The following KIAA2012 variants were observed in gnomAD, a reference collection of about 807,000 sequenced individuals.
The protein encoded by KIAA2012 is uncharacterized protein KIAA2012.
In KIAA2012, 125 loss-of-function variants were observed where a neutral mutation model predicts 150.6. That is an observed-to-expected ratio of 0.83 (90% CI 0.72 to 0.96). The LOEUF is 0.96. Ranked by LOEUF, KIAA2012 falls within the 40% of genes least tolerant of loss-of-function variation. The pLI, the probability that KIAA2012 is intolerant of heterozygous loss-of-function variation, is 0.00. For missense variants in KIAA2012, 1,219 were observed against 1,354.9 expected, an observed-to-expected ratio of 0.90 and a Z score of 1.57; for synonymous variants, 462 against 504.7, an observed-to-expected ratio of 0.92 and a Z score of 1.13.
chr2:202,133,130 A>ATATATATATATTT (rs1279080237), intron 12 of KIAA2012, among the ~76,000 whole-genome samples: 1 of 67,794 alleles, frequency 1.5e-5, no homozygotes, highest in Non-Finnish European at 2.9e-5. Flanking sequence ...ATATATATAT[A>ATATATATATATTT]TTTTTTTTTT....
chr2:202,081,752 G>A (rs1159625594), intron 2 of KIAA2012, among the ~76,000 whole-genome samples: 1 of 151,958 alleles, frequency 6.6e-6, no homozygotes, highest in African/African-American at 2.4e-5. Flanking sequence ...TCTCCATGTT[G>A]GTCAGGCTGG....
At chr2:202,195,901 T>C (rs1018840813) in intron 21 of KIAA2012, among the ~76,000 whole-genome samples, 12 of 152,240 alleles carry the variant, frequency 7.9e-5, no homozygotes, top group African/African-American at 2.7e-4. Context: ...TGTATATATA[T>C]ACCACATTTT....
At chr2:202,182,511 G>A (rs1277844692) in intron 15 of KIAA2012, among the ~76,000 whole-genome samples, 2 of 152,044 alleles carry the variant, frequency 1.3e-5, no homozygotes, top group Non-Finnish European at 2.9e-5. Flanking sequence ...CCCTTTTACT[G>A]CTGAGTTGTA....
At chr2:202,143,365 C>T (rs1052622762) in intron 13 of KIAA2012, among the ~76,000 whole-genome samples, 3 of 151,610 alleles carry the variant, frequency 2.0e-5, no homozygotes, top group Non-Finnish European at 4.4e-5. Flanking sequence ...GGATGACAGG[C>T]GTGAGCCACC....
chr2:202,102,925 T>C, intron 7 of KIAA2012, 21 bp from the exon 8 acceptor site: 2 of 1,547,946 alleles, frequency 1.3e-6, no homozygotes, highest in Non-Finnish European at 1.7e-6. Flanking sequence ...CATGATCGTT[T>C]TGTTTTTAAA....
chr2:202,188,171 A>C lies in KIAA2012; in HGVS notation c.2396A>C (p.Glu799Ala). 1 of 1,550,484 alleles carries C rather than the reference A, an allele frequency of 6.4e-7. No individual in the cohort carries two copies. Among genetic ancestry groups the C allele is most frequent in the Non-Finnish European group, 8.7e-7 (1 of 1,146,902 alleles). ...NISHERDLIN[E>A]AKRKEKPKKD... is the part of the protein sequence containing the mutation. ...CTTTAGGAGAGGGATTTGATTAACG[A>C]GGCCAAGAGAAAGGAAAAACCCAAG... Residue 799 changes from glutamate (E) to alanine (A), a missense_variant, in exon 18 of 24, where the codon GAG (glutamate) becomes GCG (alanine). Transcript: ENST00000498697.
At chr2:202,131,878 T>C (rs926171960) in intron 12 of KIAA2012, among the ~76,000 whole-genome samples, 1 of 151,960 alleles carries the variant, frequency 6.6e-6, no homozygotes, top group Non-Finnish European at 1.5e-5. Flanking sequence ...TAAAGGGCCA[T>C]AGAAAGCAGC....
chr2:202,170,227 G>A (rs1483743260), intron 15 of KIAA2012, among the ~76,000 whole-genome samples: 1 of 152,196 alleles, frequency 6.6e-6, no homozygotes, highest in Non-Finnish European at 1.5e-5. Flanking sequence ...TGGGAGCACT[G>A]CTTTGCCACG....
chr2:202,160,732 GTATTGAAA>G (rs1356680848), intron 14 of KIAA2012, among the ~76,000 whole-genome samples: 1 of 152,148 alleles, frequency 6.6e-6, no homozygotes, highest in Non-Finnish European at 1.5e-5. Context: ...CATTTAGAAA[GTATTGAAA>G]TTAGTCATTT....
At chr2:202,181,283 A>G (rs1692114654) in intron 15 of KIAA2012, among the ~76,000 whole-genome samples, 1 of 152,224 alleles carries the variant, frequency 6.6e-6, no homozygotes, top group African/African-American at 2.4e-5. Flanking sequence ...AATCATTTTT[A>G]AGAACATTTA....
chr2:202,082,441 T>C, intron 2 of KIAA2012, among the ~76,000 whole-genome samples: 1 of 152,104 alleles, frequency 6.6e-6, no homozygotes, highest in East Asian at 1.9e-4. Flanking sequence ...CTCCATGGGT[T>C]GCCTGCCTTT....
intron 18 of KIAA2012, among the ~76,000 whole-genome samples, chr2:202,189,226 T>C (rs1019132782): frequency 1.3e-5 from 2 of 152,000 alleles, no homozygotes; most frequent in South Asian, 4.2e-4. Context: ...GGTATGACTT[T>C]CCAGCTGTGT....
At chr2:202,073,772 C>A (rs1689259956) in intron 1 of KIAA2012, 61 bp downstream of exon 1, 2 of 1,435,696 alleles carry the variant, frequency 1.4e-6, no homozygotes, top group Non-Finnish European at 9.6e-7. Flanking sequence ...CTCTATGTTT[C>A]CACTTGGGAG....
At chr2:202,163,059 C>A (rs557308397) in intron 14 of KIAA2012, among the ~76,000 whole-genome samples, 1 of 150,990 alleles carries the variant, frequency 6.6e-6, no homozygotes, top group East Asian at 1.9e-4. Flanking sequence ...CAATCTGTTG[C>A]AGTGAATGAA....
At chr2:202,190,013 A>C (rs777699533) in intron 18 of KIAA2012, among the ~76,000 whole-genome samples, 161 bp from the exon 19 acceptor site, 19 of 152,074 alleles carry the variant, frequency 1.2e-4, no homozygotes, top group Non-Finnish European at 2.2e-4. Context: ...TCACAAGCCC[A>C]GGAGTTCGAG....
chr2:202,098,789 C>CGTGTAT (rs1553552047), intron 5 of KIAA2012, among the ~76,000 whole-genome samples: 2 of 148,412 alleles, frequency 1.3e-5, no homozygotes, highest in Admixed American at 1.3e-4. Context: ...ACTCTAAGGC[C>CGTGTAT]GTGTGTGTGT....
At chr2:202,192,804 C>T (rs1692346918) in intron 19 of KIAA2012, among the ~76,000 whole-genome samples, 1 of 152,058 alleles carries the variant, frequency 6.6e-6, no homozygotes, top group African/African-American at 2.4e-5. Flanking sequence ...CCCAGGAGTG[C>T]AGTGGCATGA....
chr2:202,095,747 C>A (rs961694063), intron 4 of KIAA2012, among the ~76,000 whole-genome samples: 7 of 152,160 alleles, frequency 4.6e-5, no homozygotes, highest in African/African-American at 1.7e-4. Context: ...TCTGTATCCC[C>A]CTACTCACAA....
intron 15 of KIAA2012, among the ~76,000 whole-genome samples, chr2:202,170,054 A>G (rs1433619142): frequency 6.6e-6 from 1 of 152,084 alleles, no homozygotes; most frequent in Non-Finnish European, 1.5e-5. Context: ...CCCCACCCCC[A>G]CTTCCGGGGA....
Sources: gnomAD v4.1 joint callset for allele counts (sites outside exome capture counted in the v4.1 genomes callset) on GRCh38, gnomAD v4.1.1 for gene constraint, MANE v1.5 for transcripts, NCBI Gene and HGNC (gene_info 2026-07-23, HGNC 2026-07-21) for gene names.